PUDP: variants seen among roughly 807,000 people sequenced by gnomAD.
PUDP encodes pseudouridine 5'-phosphatase, also known as pseudouridine-5'-phosphatase.
Under a neutral mutation model 9.4 loss-of-function variants are expected in PUDP, and 8 were observed. That is an observed-to-expected ratio of 0.85 (90% CI 0.50 to 1.53). The LOEUF is 1.53. Among genes scored for constraint, PUDP ranks in the 40% most tolerant of loss-of-function variants. PUDP has a pLI of 0.00. For synonymous variants in PUDP, 99 were observed against 80.7 expected (o/e 1.23, Z -1.22); for missense variants, 188 against 189.7 (o/e 0.99, Z 0.05).
rs1170085009 is a variant in PUDP at position 7,073,298 on chromosome X, A to T, written c.510+3922T>A. On this transcript the variant is annotated intron_variant, in intron 3 of 3. Transcript: ENST00000381077. ...TTCTTTAATGTCAGCTCTGTTGGACACTTTCTCCTAGTAAGATGGGAATTA... is the reference window on the plus strand; with the variant it reads ...TTCTTTAATGTCAGCTCTGTTGGACTCTTTCTCCTAGTAAGATGGGAATTA... 5.3e-5 allele frequency among the ~76,000 whole-genome samples: 6 copies of T among 112,320 alleles called. No homozygotes were observed. In the South Asian group the frequency reaches 1.8e-3, roughly 35 times the overall value.
chrX:7,026,660 G>T (rs2099271036), intron 1 of PUDP, among the ~76,000 whole-genome samples: 1 of 111,380 alleles, frequency 9.0e-6, no homozygotes, highest in African/African-American at 3.3e-5. Flanking sequence ...AATATCTAGA[G>T]ACATTGCTGG....
At chrX:6,844,199 C>T (rs773777834) in intron 3 of PUDP, among the ~76,000 whole-genome samples, 1 of 112,874 alleles carries the variant, frequency 8.9e-6, no homozygotes, top group East Asian at 2.8e-4. Flanking sequence ...TGTGATTACA[C>T]TGGGTCCATC....
intron 1 of PUDP, among the ~76,000 whole-genome samples, chrX:7,115,407 T>A (rs777020363): frequency 9.8e-5 from 11 of 112,550 alleles, no homozygotes; most frequent in Non-Finnish European, 1.9e-4. Context: ...TGTTCTAACA[T>A]AAGATCCTCC....
At chrX:6,774,742 T>G (rs2146680205) in intron 3 of PUDP, among the ~76,000 whole-genome samples, 1 of 112,285 alleles carries the variant, frequency 8.9e-6, no homozygotes, top group African/African-American at 3.2e-5. Context: ...TTTCCATCTT[T>G]CCAAGCTCCC....
exon 3 of PUDP, among the ~76,000 whole-genome samples, chrX:6,977,235 C>G (rs1005968101): frequency 9.0e-6 from 1 of 111,599 alleles, no homozygotes; most frequent in Non-Finnish European, 1.9e-5. Flanking sequence ...CAGAGACTGC[C>G]GCCTTACCTT....
intron 1 of PUDP, among the ~76,000 whole-genome samples, chrX:7,038,937 T>C (rs761559663): frequency 4.5e-5 from 5 of 111,300 alleles, no homozygotes; most frequent in Non-Finnish European, 9.4e-5. Context: ...CTGTATTTAT[T>C]TATTTATTGA....
chrX:7,118,796 G>A (rs902051876), intron 1 of PUDP, among the ~76,000 whole-genome samples: 1 of 111,445 alleles, frequency 9.0e-6, no homozygotes, highest in South Asian at 3.8e-4. Context: ...CAGATATCCC[G>A]GGTATGCAGA....
Position 6,773,266 on chromosome X carries a change from C to T in PUDP, c.*248-66800G>A, listed in dbSNP as rs182916129. Among the ~76,000 whole-genome samples the T allele has an allele frequency of 3.6e-5, 4 of 112,284 alleles. No individual in the cohort carries two copies. In the Admixed American group the frequency reaches 3.8e-4, roughly 11 times the overall value. On this transcript the variant is annotated intron_variant and NMD_transcript_variant, in intron 3 of 3. Transcript: ENST00000655425. ...GAAAAAGAGCCATGCTATCAGGGGA[C>T]TCTGCTTCTTTTCCACATTTTCTCT...
rs375184906 is a variant in PUDP, at chrX:6,788,026, G to A, written c.*248-81560C>T. Among the ~76,000 whole-genome samples the A allele has an allele frequency of 6.3e-5, 7 of 111,386 alleles. No individual in the cohort carries two copies. The South Asian group carries it at 1.1e-3, about 18-fold the overall frequency. On this transcript the variant is annotated intron_variant and NMD_transcript_variant, in intron 3 of 3. Coordinates refer to the PUDP transcript ENST00000655425. The stretch of plus-strand genomic sequence containing the variant: ...TCCACTGATAATTGTTCAAAGTGTC[G>A]GGGGGAGAAGACAATGGAAATGATA...
rs780932779 is a variant in PUDP at position 7,085,652 on chromosome X, C to G, written c.281-8203G>C. Among the ~76,000 whole-genome samples, 4 of 112,432 alleles carry G rather than the reference C, an allele frequency of 3.6e-5. No homozygotes were observed. The South Asian group carries it at 1.5e-3, about 41-fold the overall frequency. On this transcript the variant is annotated intron_variant, in intron 2 of 3. Coordinates refer to ENST00000381077, the MANE Select transcript of PUDP (RefSeq NM_012080.5). ...TCCTTTAAGTTTAACATCTGTTTAA[C>G]TTTTAAAAACATATGCTGATGCATT...
intron 1 of PUDP, among the ~76,000 whole-genome samples, chrX:7,021,124 G>A (rs1435258800): frequency 8.9e-6 from 1 of 112,359 alleles, no homozygotes; most frequent in Non-Finnish European, 1.9e-5. Flanking sequence ...TCTTTTTATT[G>A]AACCATGGCC....
chrX:6,900,329 G>A (rs185808771), intron 3 of PUDP, among the ~76,000 whole-genome samples: 3 of 106,174 alleles, frequency 2.8e-5, no homozygotes, highest in South Asian at 4.4e-4. Context: ...CACCACTTGG[G>A]GGGGGGGGCG....
chrX:6,804,831 T>C (rs972062205), intron 3 of PUDP, among the ~76,000 whole-genome samples: 2 of 111,949 alleles, frequency 1.8e-5, no homozygotes, highest in African/African-American at 6.5e-5. Context: ...GTTTCTGTCC[T>C]CCCAGTTCAG....
At chrX:7,046,003 T>A (rs1929978921), downstream of PUDP, among the ~76,000 whole-genome samples, 1 of 112,586 alleles carries the variant, frequency 8.9e-6, no homozygotes, top group African/African-American at 3.2e-5. Flanking sequence ...GACAAACAAC[T>A]GAGATGATTT....
chrX:6,740,984 C>T (rs1924928978), intron 3 of PUDP, among the ~76,000 whole-genome samples: 1 of 110,847 alleles, frequency 9.0e-6, no homozygotes, highest in South Asian at 3.8e-4. Flanking sequence ...CATGGTGAAA[C>T]CCCATCTCTA....
intron 3 of PUDP, among the ~76,000 whole-genome samples, chrX:6,791,785 G>A (rs1925753407): frequency 8.9e-6 from 1 of 112,164 alleles, no homozygotes; most frequent in African/African-American, 3.2e-5. Flanking sequence ...GTGTTGTTTA[G>A]CCCCAAAGTT....
Position 7,049,104 on chromosome X carries a change from A to G in PUDP, c.*1192T>C, listed in dbSNP as rs991593917. The G allele has an allele frequency of 2.7e-5, 3 of 111,217 alleles. No individual in the cohort carries two copies. The highest frequency in any genetic ancestry group is 9.8e-5 in the African/African-American group (3 of 30,490). 9.2% of individuals were successfully genotyped at this position (111,217 alleles called of 1,213,427 possible). On this transcript the variant is annotated 3_prime_UTR_variant, in exon 4 of 4. Transcript: ENST00000381077. ...CAGGGCCTGTCATTCACAGACAATCACTCCACCACACGCACACATACATTC... is the reference window on the plus strand; with the variant it reads ...CAGGGCCTGTCATTCACAGACAATCGCTCCACCACACGCACACATACATTC...
intron 1 of PUDP, among the ~76,000 whole-genome samples, chrX:7,007,533 A>T (rs1242667600): frequency 8.9e-6 from 1 of 112,277 alleles, no homozygotes. Flanking sequence ...GTGTTGGGAC[A>T]ATATAGCTCA....
At chrX:6,956,064 T>A (rs7887594) in intron 3 of PUDP, among the ~76,000 whole-genome samples, 1,432 of 112,227 alleles carry the variant, frequency 0.013, 16 homozygotes, top group African/African-American at 0.041. Flanking sequence ...TTTGTTTGTT[T>A]TTGGAGATGA....
Sources: gnomAD v4.1 joint callset for allele counts (sites outside exome capture counted in the v4.1 genomes callset) on GRCh38, gnomAD v4.1.1 for gene constraint, MANE v1.5 for transcripts, NCBI Gene and HGNC (gene_info 2026-07-23, HGNC 2026-07-21) for gene names.